The following PRR5L variants were observed in gnomAD, a reference collection of about 807,000 sequenced individuals.
PRR5L encodes the protein proline-rich protein 5-like.
A neutral mutation model predicts 36.4 loss-of-function variants in PRR5L; 21 were observed. That is an observed-to-expected ratio of 0.58 (90% CI 0.41 to 0.83). The LOEUF (loss-of-function observed/expected upper bound fraction) is 0.83. Among genes scored for constraint, PRR5L ranks in the 40% least tolerant of loss-of-function variants. The pLI is 0.00. For synonymous variants in PRR5L, 188 were observed against 197.0 expected, an observed-to-expected ratio of 0.95 and a Z score of 0.38; for missense variants, 381 against 473.3, an observed-to-expected ratio of 0.80 and a Z score of 1.81.
At chr11:36,405,774 C>T (rs1018576331) in intron 3 of PRR5L, among the ~76,000 whole-genome samples, 3 of 152,138 alleles carry the variant, frequency 2.0e-5, no homozygotes, top group East Asian at 1.9e-4. Context: ...ATCAAGGTGC[C>T]GGTCATTTAC....
intron 8 of PRR5L, among the ~76,000 whole-genome samples, chr11:36,461,273 CA>C (rs1181013353): frequency 6.6e-6 from 1 of 152,092 alleles, no homozygotes; most frequent in African/African-American, 2.4e-5. Context: ...GGGGGGGATT[CA>C]AAAGATAAAA....
intron 1 of PRR5L, among the ~76,000 whole-genome samples, chr11:36,327,630 G>A (rs1400316417): frequency 1.3e-5 from 2 of 152,100 alleles, no homozygotes; most frequent in Non-Finnish European, 2.9e-5. Context: ...CACTTTTAAA[G>A]GTCTGAATAG....
intron 1 of PRR5L, among the ~76,000 whole-genome samples, chr11:36,319,214 G>T (rs1162170934): frequency 6.6e-6 from 1 of 152,244 alleles, no homozygotes; most frequent in African/African-American, 2.4e-5. Flanking sequence ...ATTAGGACCA[G>T]TGAGGGCCTG....
chr11:36,359,293 A>G (rs1857060442), intron 1 of PRR5L, among the ~76,000 whole-genome samples: 1 of 152,172 alleles, frequency 6.6e-6, no homozygotes, highest in African/African-American at 2.4e-5. Context: ...TTATTGAAAG[A>G]TTTTGTCTTA....
chr11:36,403,234 G>C (rs1018448293), intron 2 of PRR5L, 64 bp from the exon 3 acceptor site: 25 of 1,416,910 alleles, frequency 1.8e-5, no homozygotes, highest in Middle Eastern at 1.8e-4. Context: ...TCAGCCCTGA[G>C]CTGCTATTGA....
chr11:36,410,578 G>A (rs1446283534), intron 3 of PRR5L, among the ~76,000 whole-genome samples: 2 of 152,210 alleles, frequency 1.3e-5, no homozygotes, highest in Admixed American at 6.5e-5. Context: ...TCTGTGTGCA[G>A]ACTGCCGAGC....
intron 3 of PRR5L, among the ~76,000 whole-genome samples, chr11:36,415,225 G>A (rs1858115703): frequency 6.6e-6 from 1 of 152,170 alleles, no homozygotes; most frequent in Non-Finnish European, 1.5e-5. Flanking sequence ...GAACTTTAAA[G>A]TAGATACTGG....
chr11:36,370,072 A>G (rs1193172664), intron 1 of PRR5L, among the ~76,000 whole-genome samples: 2 of 151,812 alleles, frequency 1.3e-5, no homozygotes, highest in Admixed American at 6.6e-5. Context: ...ACTGTGACCA[A>G]CTCCTTACCA....
At chr11:36,313,675 C>T (rs75514090) in intron 1 of PRR5L, among the ~76,000 whole-genome samples, 4,843 of 152,272 alleles carry the variant, frequency 0.032, 109 homozygotes, top group Non-Finnish European at 0.048. Flanking sequence ...CCAAGCACCT[C>T]AAATTAAGGT....
intron 1 of PRR5L, among the ~76,000 whole-genome samples, chr11:36,307,619 A>G (rs1026418381): frequency 6.6e-6 from 1 of 152,192 alleles, no homozygotes; most frequent in African/African-American, 2.4e-5. Flanking sequence ...GTGCATGAGG[A>G]TACCAGTTTT....
chr11:36,306,965 C>T (rs957685824), intron 1 of PRR5L, among the ~76,000 whole-genome samples: 3 of 152,196 alleles, frequency 2.0e-5, no homozygotes, highest in Admixed American at 6.5e-5. Flanking sequence ...TACCCATTCA[C>T]AGGGTTGGTA....
chr11:36,412,975 C>A (rs1037802933), intron 3 of PRR5L, among the ~76,000 whole-genome samples: 1 of 152,112 alleles, frequency 6.6e-6, no homozygotes, highest in Admixed American at 6.5e-5. Flanking sequence ...GGGAAGGTAG[C>A]TTTTAAGTGA....
chr11:36,421,722 C>A (rs1420920078), intron 4 of PRR5L, among the ~76,000 whole-genome samples: 1 of 152,108 alleles, frequency 6.6e-6, no homozygotes, highest in East Asian at 1.9e-4. Flanking sequence ...TTAGGCGATG[C>A]GTGCAATGAC....
intron 1 of PRR5L, among the ~76,000 whole-genome samples, chr11:36,391,937 C>T (rs1315683754): frequency 6.6e-6 from 1 of 152,098 alleles, no homozygotes; most frequent in Admixed American, 6.5e-5. Context: ...TATTTTTTTA[C>T]CCATTTAACA....
chr11:36,350,216 TGGGTGTGTGTGG>T (rs1856913839), intron 1 of PRR5L, among the ~76,000 whole-genome samples: 1 of 94,626 alleles, frequency 1.1e-5, no homozygotes, highest in African/African-American at 4.3e-5. Flanking sequence ...GTGTGTGGGG[TGGGTGTGTGTGG>T]GGGGTATAAG....
At chr11:36,397,819 G>A (rs960006410) in intron 1 of PRR5L, among the ~76,000 whole-genome samples, 3 of 149,548 alleles carry the variant, frequency 2.0e-5, no homozygotes, top group Non-Finnish European at 4.4e-5. Flanking sequence ...TTTTTGAGAC[G>A]AGTTTCGCTC....
rs1321993897 is a variant in PRR5L, at chr11:36,349,504, C to A, written c.-125-51493C>A. Among the ~76,000 whole-genome samples, 4 of 152,104 alleles carry A rather than the reference C, an allele frequency of 2.6e-5. No homozygotes were observed. In the East Asian group the frequency reaches 7.8e-4, roughly 30 times the overall value. ...AGGTTTCCTGCAGGGAAGTCCTGGC[C>A]AAGTATCCCGCTTCCTTCTGGTCGA... On this transcript the variant is annotated intron_variant, in intron 1 of 8. Coordinates refer to ENST00000530639, the MANE Select transcript of PRR5L (RefSeq NM_001160167.2).
chr11:36,378,864 A>T (rs1242678470), intron 1 of PRR5L, among the ~76,000 whole-genome samples: 1 of 152,212 alleles, frequency 6.6e-6, no homozygotes, highest in Non-Finnish European at 1.5e-5. Context: ...GGAGAATTTA[A>T]GTAATTTGTC....
rs911006046 is a variant in PRR5L at position 36,437,448 on chromosome 11, C to T, written c.416C>T (p.Thr139Ile). The change falls in exon 6 of 9, where the codon ACC becomes ATC. Residue 139 changes from threonine (T) to isoleucine (I), a missense_variant. Coordinates refer to ENST00000530639, the MANE Select transcript of PRR5L (RefSeq NM_001160167.2). ...WDHFFTETLP[T>I]LQAIFYPVQG... The stretch of plus-strand genomic sequence containing the variant: ...CACTTCTTCACTGAGACTCTCCCTA[C>T]CCTGCAGGCAATATTTTATCCAGTT... 3.1e-6 allele frequency: 5 copies of T among 1,609,968 alleles called. No homozygotes were observed. The highest frequency in any genetic ancestry group is 4.3e-6 in the Non-Finnish European group (5 of 1,176,294).
Sources: gnomAD v4.1 joint callset for allele counts (sites outside exome capture counted in the v4.1 genomes callset) on GRCh38, gnomAD v4.1.1 for gene constraint, MANE v1.5 for transcripts, NCBI Gene and HGNC (gene_info 2026-07-23, HGNC 2026-07-21) for gene names.